Variants in PCDHGB6 observed in about 807,000 individuals in gnomAD.
PCDHGB6 encodes protocadherin gamma-B6.
Under a neutral mutation model 59.1 loss-of-function variants are expected in PCDHGB6, and 51 were observed. That is an observed-to-expected ratio of 0.86 (90% CI 0.69 to 1.09). PCDHGB6 has a LOEUF of 1.09. Ranked by LOEUF, PCDHGB6 falls within the 50% of genes least tolerant of loss-of-function variation. PCDHGB6 has a pLI of 0.00. For synonymous variants in PCDHGB6, 466 were observed against 495.1 expected (o/e 0.94, Z 0.78); for missense variants, 1,148 against 1,205.1 (o/e 0.95, Z 0.70).
chr5:141,411,859 C>CA (rs553337516), intron 1 of PCDHGB6: 8,585 of 145,752 alleles, frequency 0.059, 330 homozygotes, highest in Non-Finnish European at 0.088. Context: ...GACCCTGTCT[C>CA]AAAAAAAAAA....
intron 1 of PCDHGB6, chr5:141,415,740 GTTTTTTTTTTTTTTTTTTTTT>G: frequency 1.6e-6 from 1 of 617,990 alleles, no homozygotes; most frequent in Non-Finnish European, 2.1e-6. Context: ...GTTTATTAAG[GTTTTTTTTTTTTTTTTTTTTT>G]TTTTTTTTTT....
Position 141,431,910 on chromosome 5 carries a change from G to A in PCDHGB6, c.2418+21290G>A. The A allele has an allele frequency of 6.2e-7, 1 of 1,614,096 alleles. No individual in the cohort carries two copies. Among genetic ancestry groups the A allele is most frequent in the Non-Finnish European group, 8.5e-7 (1 of 1,179,934 alleles). On this transcript the variant is annotated intron_variant, in intron 1 of 3. Transcript: ENST00000520790. This position sits in a 1 kb window ranked among gnomAD's most constrained non-coding sequence, Gnocchi z 4.8. ...TCTGAGGAAAACGGACAGGTGATCTGTTTCATCCAAGGAAATCTGCCCTTT... is the reference window on the plus strand; with the variant it reads ...TCTGAGGAAAACGGACAGGTGATCTATTTCATCCAAGGAAATCTGCCCTTT...
Position 141,432,830 on chromosome 5 carries a change from C to G in PCDHGB6, c.2418+22210C>G, listed in dbSNP as rs780093171. On this transcript the variant is annotated intron_variant, in intron 1 of 3. Coordinates refer to ENST00000520790, the MANE Select transcript of PCDHGB6 (RefSeq NM_018926.3). The surrounding 1 kb of genome is among the most constrained non-coding windows in gnomAD (Gnocchi z 6.0). ...TAACTCTGAAACCTCAGACCTCACT[C>G]TGTACCTGGTGGTAGCGGTGGCCGC... 4 of 1,614,208 alleles carry G rather than the reference C, an allele frequency of 2.5e-6. No individual in the cohort carries two copies. The highest frequency in any genetic ancestry group is 2.2e-5 in the East Asian group (1 of 44,874).
intron 1 of PCDHGB6, chr5:141,413,663 AT>A (rs1344545568): frequency 6.2e-7 from 1 of 1,613,844 alleles, no homozygotes; most frequent in African/African-American, 1.3e-5. Flanking sequence ...GAAGCTATTG[AT>A]CCGGATGTGG....
rs1252361961 is a variant in PCDHGB6 at position 141,486,106 on chromosome 5, G to A, written c.2419-8701G>A. The A allele has an allele frequency of 2.5e-6, 4 of 1,614,190 alleles. No individual in the cohort carries two copies. The highest frequency in any genetic ancestry group is 1.1e-5 in the South Asian group (1 of 91,086). Reference sequence around the variant, plus strand: ...CTCTTTTGGGGCCCCTAGACTTTGAGAGTGAGAATTACTATGAATTTGATG... The same window carrying A: ...CTCTTTTGGGGCCCCTAGACTTTGAAAGTGAGAATTACTATGAATTTGATG... On this transcript the variant is annotated intron_variant, in intron 1 of 3. Transcript: ENST00000520790. The surrounding 1 kb of genome is among the most constrained non-coding windows in gnomAD (Gnocchi z 5.0).
At chr5:141,457,573 C>T (rs934685938) in intron 1 of PCDHGB6, among the ~76,000 whole-genome samples, 3 of 152,206 alleles carry the variant, frequency 2.0e-5, no homozygotes, top group Non-Finnish European at 4.4e-5. Flanking sequence ...CAAAATTTTT[C>T]TCTCCAGTCC....
rs200317374 is a variant in PCDHGB6 at position 141,408,395 on chromosome 5, A to G, written c.193A>G (p.Lys65Glu). The change falls in exon 1 of 4, where the codon AAG becomes GAG. Residue 65 changes from lysine to glutamate, a missense_variant. Physicochemically the swap from Lys to Glu is moderately conservative, Grantham distance 56. This residue lies in a region of PCDHGB6 where 307 missense variants were observed against 323.8 expected (regional missense o/e 0.95). Coordinates refer to ENST00000520790, the MANE Select transcript of PCDHGB6 (RefSeq NM_018926.3). Reference protein sequence around the residue: ...GLSVLDVSARKLRVSAEKLHF... With the variant: ...GLSVLDVSARELRVSAEKLHF... ...CAGTGTCCTGGATGTGTCGGCTCGC[A>G]AGCTGCGAGTGAGCGCGGAGAAGCT... 8.8e-3 allele frequency: 14,159 copies of G among 1,613,888 alleles called. 310 individuals are homozygous for G. Among genetic ancestry groups the G allele is most frequent in the South Asian group, 0.064 (5,857 of 91,072 alleles).
chr5:141,489,636 C>T lies in PCDHGB6; in HGVS notation c.2419-5171C>T. On this transcript the variant is annotated intron_variant, in intron 1 of 3. Coordinates refer to ENST00000520790, the MANE Select transcript of PCDHGB6 (RefSeq NM_018926.3). The surrounding 1 kb of genome is among the most constrained non-coding windows in gnomAD (Gnocchi z 4.5). ...TGGATCTCAATGACAACTCTCCTAG[C>T]TTTGCCACCCCTGAGCGAGAGATGC... 1.2e-6 allele frequency: 2 copies of T among 1,614,190 alleles called. No homozygotes were observed. The highest frequency in any genetic ancestry group is 1.7e-6 in the Non-Finnish European group (2 of 1,180,030).
intron 1 of PCDHGB6, chr5:141,430,780 C>G: frequency 6.6e-7 from 1 of 1,511,476 alleles, no homozygotes; most frequent in Non-Finnish European, 8.8e-7. Context: ...CGCGACTGCA[C>G]CGGGACTACA....
chr5:141,481,455 C>T (rs2099537897), intron 1 of PCDHGB6, among the ~76,000 whole-genome samples: 1 of 152,176 alleles, frequency 6.6e-6, no homozygotes, highest in African/African-American at 2.4e-5. Flanking sequence ...TGTAAATACA[C>T]TGAAAACCAT....
intron 1 of PCDHGB6, among the ~76,000 whole-genome samples, chr5:141,437,434 G>T (rs183505868): frequency 2.6e-5 from 4 of 152,194 alleles, no homozygotes; most frequent in East Asian, 3.8e-4. Context: ...AGCAGCAATA[G>T]CATAGGAATG....
chr5:141,506,415 C>T lies in PCDHGB6; in HGVS notation c.2566+934C>T, dbSNP rs2099853185. 2.0e-5 allele frequency among the ~76,000 whole-genome samples: 3 copies of T among 148,290 alleles called. No homozygotes were observed. The South Asian group carries it at 6.4e-4, about 32-fold the overall frequency. On this transcript the variant is annotated intron_variant, in intron 3 of 3. Coordinates refer to ENST00000520790, the MANE Select transcript of PCDHGB6 (RefSeq NM_018926.3). ...GAGCAGAAAATCGCACCACTGCACT[C>T]CAGCCTGGGCAACAGTCTCGCTCTG...
In PCDHGB6 at chr5:141,476,466, A is replaced by C. The variant is rs771760524; in HGVS notation, c.2419-18341A>C. The C allele has an allele frequency of 6.2e-7, 1 of 1,613,996 alleles. No individual in the cohort carries two copies. Reference sequence around the variant, plus strand: ...GAGTTGGTAGTGGAGAACCCGCTGGAGCTGTTCAGCGTGGAAGTGGTGATC... The same window carrying C: ...GAGTTGGTAGTGGAGAACCCGCTGGCGCTGTTCAGCGTGGAAGTGGTGATC... On this transcript the variant is annotated intron_variant, in intron 1 of 3. Transcript: ENST00000520790. This position sits in a 1 kb window ranked among gnomAD's most constrained non-coding sequence, Gnocchi z 7.6.
At chr5:141,470,851 A>G (rs1410012138) in intron 1 of PCDHGB6, among the ~76,000 whole-genome samples, 2 of 151,876 alleles carry the variant, frequency 1.3e-5, no homozygotes, top group Non-Finnish European at 2.9e-5. Context: ...CCATGCTCAG[A>G]TAAGTTTTTT....
In PCDHGB6 at chr5:141,476,877, T is replaced by C. The variant is rs2099400648; in HGVS notation, c.2419-17930T>C. ...CAGTCCTTGTACCGGGCGCGCGTCC[T>C]GGAGGATGCACCCTCCGGCACGCGC... On this transcript the variant is annotated intron_variant, in intron 1 of 3. Transcript: ENST00000520790. This position sits in a 1 kb window ranked among gnomAD's most constrained non-coding sequence, Gnocchi z 7.6. 4.3e-6 allele frequency: 7 copies of C among 1,613,954 alleles called. No homozygotes were observed. The highest frequency in any genetic ancestry group is 5.9e-6 in the Non-Finnish European group (7 of 1,180,038).
chr5:141,415,660 T>C, intron 1 of PCDHGB6: 2 of 1,583,052 alleles, frequency 1.3e-6, no homozygotes, highest in Non-Finnish European at 8.6e-7. Context: ...AAAGATTGGT[T>C]TTTACTTTGA....
chr5:141,432,887 T>A lies in PCDHGB6; in HGVS notation c.2418+22267T>A, dbSNP rs146168033. On this transcript the variant is annotated intron_variant, in intron 1 of 3. Coordinates refer to ENST00000520790, the MANE Select transcript of PCDHGB6 (RefSeq NM_018926.3). The surrounding 1 kb of genome is among the most constrained non-coding windows in gnomAD (Gnocchi z 6.0). ...CTGCGTCTTCCTGGCCTTCGTCATC[T>A]TGCTGCTGGCGCTCAGGCTGCGGCG... 1.2e-6 allele frequency: 2 copies of A among 1,614,056 alleles called. No homozygotes were observed. Among genetic ancestry groups the A allele is most frequent in the Non-Finnish European group, 1.7e-6 (2 of 1,179,998 alleles).
intron 1 of PCDHGB6, among the ~76,000 whole-genome samples, chr5:141,442,846 C>T (rs1489647686): frequency 2.6e-5 from 4 of 152,234 alleles, no homozygotes; most frequent in Non-Finnish European, 4.4e-5. Context: ...AAATCTTGGC[C>T]ATTGTAGTAT....
chr5:141,498,684 C>T (rs1255085852), intron 2 of PCDHGB6, among the ~76,000 whole-genome samples: 1 of 152,192 alleles, frequency 6.6e-6, no homozygotes, highest in South Asian at 2.1e-4. Flanking sequence ...GTAATCCCAG[C>T]ACTTTGGGAG....
Sources: gnomAD v4.1 joint callset for allele counts (sites outside exome capture counted in the v4.1 genomes callset) on GRCh38, gnomAD v4.1.1 for gene constraint, gnomAD v4.1.1 regional missense constraint, Gnocchi (gnomAD v3.1) non-coding constraint, MANE v1.5 for transcripts, NCBI Gene and HGNC (gene_info 2026-07-23, HGNC 2026-07-21) for gene names.